DDX42: variants seen among roughly 807,000 people sequenced by gnomAD.
DDX42 encodes the protein ATP-dependent RNA helicase DDX42.
A neutral mutation model predicts 101.5 loss-of-function variants in DDX42; 22 were observed. The observed-to-expected ratio is 0.22, with a 90% CI of 0.15 to 0.31. The LOEUF (loss-of-function observed/expected upper bound fraction) is 0.31. Ranked by LOEUF, DDX42 falls within the 10% of genes least tolerant of loss-of-function variation. The pLI is 1.00. For missense variants in DDX42, 849 were observed against 1,199.9 expected (o/e 0.71, Z 4.32); for synonymous variants, 402 against 401.2 (o/e 1.00, Z -0.02).
At chr17:63,808,392 T>G (rs1463523367) in intron 9 of DDX42, among the ~76,000 whole-genome samples, 1 of 152,160 alleles carries the variant, frequency 6.6e-6, no homozygotes, top group African/African-American at 2.4e-5. Flanking sequence ...CAGGCTGGTC[T>G]CAAACTCCTG....
chr17:63,798,279 A>G (rs1310860926), intron 4 of DDX42, 180 bp downstream of exon 4: 5 of 523,482 alleles, frequency 9.6e-6, no homozygotes, highest in East Asian at 9.3e-5. Flanking sequence ...TGCATTTGCA[A>G]TAATTAAAAA....
Position 63,798,119 on chromosome 17 carries a change from C to G in DDX42, c.434+20C>G, listed in dbSNP as rs752269401. 1 of 1,610,826 alleles carries G rather than the reference C, an allele frequency of 6.2e-7. No individual in the cohort carries two copies. Among genetic ancestry groups the G allele is most frequent in the Non-Finnish European group, 8.5e-7 (1 of 1,178,412 alleles). ...CGTAAAGTAAGTTGTTTTCTTCTCC[C>G]TCACAAAGGTTACGTGAAAACTGCT... On this transcript the variant is annotated intron_variant, in intron 4 of 17. Transcript: ENST00000389924.
intron 11 of DDX42, 77 bp from the exon 12 acceptor site, chr17:63,810,434 CTT>C: frequency 4.1e-6 from 6 of 1,469,632 alleles, no homozygotes; most frequent in Non-Finnish European, 5.6e-6. Context: ...CTTATGAAGA[CTT>C]TTACTAATAT....
chr17:63,811,258 TAAAAA>T, intron 13 of DDX42, 85 bp downstream of exon 13: 1 of 935,654 alleles, frequency 1.1e-6, no homozygotes, highest in Non-Finnish European at 1.5e-6. Flanking sequence ...ACTATTGAGA[TAAAAA>T]AAAAAGATGT....
At chr17:63,798,167 C>G in intron 4 of DDX42, 68 bp downstream of exon 4, 1 of 1,463,772 alleles carries the variant, frequency 6.8e-7, no homozygotes, top group Non-Finnish European at 9.5e-7. Context: ...AGTCTATTCC[C>G]CCAAAGTTTA....
rs570477415 is a variant in DDX42, at chr17:63,774,183, C to A, written c.-210C>A. 2,217 of 285,210 alleles carry A rather than the reference C, an allele frequency of 7.8e-3. 463 individuals are homozygous for A. The highest frequency in any genetic ancestry group is 0.012 in the Non-Finnish European group (1,845 of 154,612). The allele number at this position is 285,210 out of a possible 1,614,324, so 17.7% of individuals were successfully genotyped here. A position where few individuals can be genotyped will look rare whatever the true frequency, so the allele number is the denominator to read the frequency against. ...TGTCGCGTTTTTGTTCCCCTCCCCC[C>A]TTCAGCAACGGGCCGTGAGGCGGTG... On this transcript the variant is annotated 5_prime_UTR_variant, in exon 1 of 18. Transcript: ENST00000389924.
chr17:63,817,522 T>C, intron 17 of DDX42, 172 bp from the exon 18 acceptor site: 1 of 625,054 alleles, frequency 1.6e-6, no homozygotes, highest in Non-Finnish European at 2.7e-6. Context: ...TCCACAAGTT[T>C]TCCTTTATAG....
At chr17:63,786,128 C>T (rs2584640) in intron 1 of DDX42, among the ~76,000 whole-genome samples, 105,811 of 152,160 alleles carry the variant, frequency 0.7, 38,075 homozygotes, top group African/African-American at 0.9. Flanking sequence ...CTGGTTTATA[C>T]TGAGATCCCA....
Position 63,805,124 on chromosome 17 carries a change from C to T in DDX42, c.675C>T (p.Thr225=). The T allele has an allele frequency of 6.2e-7, 1 of 1,613,150 alleles. No homozygotes were observed. Among genetic ancestry groups the T allele is most frequent in the Non-Finnish European group, 8.5e-7 (1 of 1,179,848 alleles). The change falls in exon 7 of 18, where the codon ACC becomes ACT. Residue 225 remains threonine, a synonymous_variant. Transcript: ENST00000389924. The part of the protein sequence containing the change: ...KNFYNEHEEI[T]NLTPQQLIDL... ...TTTACAATGAGCATGAAGAGATAAC[C>T]AACCTCACTCCACAGCAGTTAATAG...
intron 13 of DDX42, 28 bp downstream of exon 13, chr17:63,811,201 C>A: frequency 6.6e-7 from 1 of 1,504,266 alleles, no homozygotes; most frequent in Non-Finnish European, 9.1e-7. Context: ...TGGATGGGAC[C>A]TTAATGGGTT....
intron 6 of DDX42, 96 bp downstream of exon 6, chr17:63,800,713 A>G (rs1406221238): frequency 4.9e-6 from 7 of 1,441,222 alleles, no homozygotes; most frequent in South Asian, 1.3e-5. Context: ...ATACTCTTAC[A>G]TCATGAGCGT....
At chr17:63,803,707 C>T (rs905809562) in intron 6 of DDX42, among the ~76,000 whole-genome samples, 7 of 150,796 alleles carry the variant, frequency 4.6e-5, no homozygotes, top group African/African-American at 9.8e-5. Context: ...AGTGCAGTGA[C>T]GCAACCTTGG....
chr17:63,780,647 G>C (rs1213186664), intron 1 of DDX42, among the ~76,000 whole-genome samples: 1 of 152,164 alleles, frequency 6.6e-6, no homozygotes, highest in African/African-American at 2.4e-5. Context: ...ACAATGAGCT[G>C]TGTGTTCTAG....
chr17:63,789,055 AC>A (rs2039586608), intron 2 of DDX42, among the ~76,000 whole-genome samples: 1 of 151,802 alleles, frequency 6.6e-6, no homozygotes, highest in East Asian at 1.9e-4. Context: ...GGCACATGCC[AC>A]CATACCCTGC....
chr17:63,780,208 A>G (rs1187293196), intron 1 of DDX42, among the ~76,000 whole-genome samples: 1 of 152,092 alleles, frequency 6.6e-6, no homozygotes, highest in African/African-American at 2.4e-5. Flanking sequence ...AGGCAGGAGA[A>G]TCACTTCAAC....
chr17:63,787,255 TTGA>T lies in DDX42; in HGVS notation c.210_212del (p.Asp70del). On this transcript the variant is annotated inframe_deletion, in exon 2 of 18. Coordinates refer to ENST00000389924, the MANE Select transcript of DDX42 (RefSeq NM_203499.3). ...AAAATTGGATCTAAGCGGGCCAACT[TTGA>T]TGAAGAAAATGCGTAAGTGGTAATT... The T allele has an allele frequency of 6.2e-7, 1 of 1,614,168 alleles. No individual in the cohort carries two copies.
At chr17:63,790,949 A>G (rs1171475260) in intron 2 of DDX42, among the ~76,000 whole-genome samples, 3 of 152,242 alleles carry the variant, frequency 2.0e-5, no homozygotes, top group African/African-American at 4.8e-5. Context: ...AAAAGCATAT[A>G]TACTATATAG....
At chr17:63,799,563 G>T in intron 4 of DDX42, 26 bp from the exon 5 acceptor site, 2 of 1,612,874 alleles carry the variant, frequency 1.2e-6, no homozygotes, top group Non-Finnish European at 1.7e-6. Context: ...TTGCAGGGAA[G>T]TTTGTTTCTC....
intron 1 of DDX42, among the ~76,000 whole-genome samples, chr17:63,781,833 A>G (rs2039491685): frequency 7.3e-6 from 1 of 136,516 alleles, no homozygotes; most frequent in South Asian, 2.2e-4. Context: ...ACATGGTGAA[A>G]CCCCGTCTCT....
Sources: gnomAD v4.1 joint callset for allele counts (sites outside exome capture counted in the v4.1 genomes callset) on GRCh38, gnomAD v4.1.1 for gene constraint, MANE v1.5 for transcripts, NCBI Gene and HGNC (gene_info 2026-07-23, HGNC 2026-07-21) for gene names.